The following MGAT4D variants were observed in gnomAD, a reference collection of about 807,000 sequenced individuals.
MGAT4D encodes the protein alpha-1,3-mannosyl-glycoprotein 4-beta-N-acetylglucosaminyltransferase-like protein MGAT4D.
In MGAT4D, 34 loss-of-function variants were observed where a neutral mutation model predicts 15.9. That is an observed-to-expected ratio of 2.14 (90% CI 1.62 to 2.84). The LOEUF (loss-of-function observed/expected upper bound fraction) is 2.84. Ranked by LOEUF, MGAT4D falls within the 30% of genes most tolerant of loss-of-function variation. The pLI is 0.00. For missense variants in MGAT4D, 327 were observed against 140.2 expected (o/e 2.33, Z -6.73); for synonymous variants, 112 against 48.2 (o/e 2.33, Z -5.49).
intron 3 of MGAT4D, among the ~76,000 whole-genome samples, chr4:140,476,056 C>A (rs1053211036): frequency 2.6e-5 from 4 of 152,092 alleles, no homozygotes; most frequent in Admixed American, 6.5e-5. Context: ...AAGTGATCTG[C>A]CCACCTCAGC....
intron 1 of MGAT4D, among the ~76,000 whole-genome samples, chr4:140,485,266 T>C (rs1287738294): frequency 1.3e-5 from 2 of 152,042 alleles, no homozygotes; most frequent in East Asian, 3.9e-4. Flanking sequence ...ATGGATGAAA[T>C]TGGAAATCAT....
intron 1 of MGAT4D, among the ~76,000 whole-genome samples, chr4:140,486,584 T>C (rs1733150808): frequency 6.6e-6 from 1 of 152,206 alleles, no homozygotes; most frequent in African/African-American, 2.4e-5. Flanking sequence ...CACCACTTCA[T>C]ATTATGTATT....
chr4:140,461,071 A>G (rs7672664), intron 7 of MGAT4D, among the ~76,000 whole-genome samples: 29,413 of 152,058 alleles, frequency 0.19, 2,919 homozygotes, highest in South Asian at 0.28. Context: ...TTTCTTTTTT[A>G]TTTAATATAT....
At chr4:140,483,005 GA>G (rs1189946845) in intron 1 of MGAT4D, among the ~76,000 whole-genome samples, 1 of 152,148 alleles carries the variant, frequency 6.6e-6, no homozygotes, top group Non-Finnish European at 1.5e-5. Flanking sequence ...ATAAATTACA[GA>G]ATATTCTTTT....
chr4:140,494,268 A>C (rs369052891), intron 1 of MGAT4D, among the ~76,000 whole-genome samples: 6 of 152,366 alleles, frequency 3.9e-5, no homozygotes, highest in Admixed American at 2.0e-4. Flanking sequence ...GGCCTGCTGC[A>C]TTCACTAAGA....
chr4:140,495,238 C>T (rs1578731772), intron 1 of MGAT4D, among the ~76,000 whole-genome samples: 1 of 152,196 alleles, frequency 6.6e-6, no homozygotes, highest in African/African-American at 2.4e-5. Context: ...GATGCTTCCT[C>T]GTTTCATTTG....
At chr4:140,452,976 C>A (rs1158393477) in intron 9 of MGAT4D, among the ~76,000 whole-genome samples, 6 of 152,022 alleles carry the variant, frequency 3.9e-5, no homozygotes, top group African/African-American at 1.4e-4. Flanking sequence ...GATATGGCAC[C>A]AATTGATCCA....
intron 7 of MGAT4D, among the ~76,000 whole-genome samples, chr4:140,461,148 C>G (rs1731145935): frequency 6.6e-6 from 1 of 152,166 alleles, no homozygotes; most frequent in Non-Finnish European, 1.5e-5. Flanking sequence ...AGTCCTCAGG[C>G]ACACTATGAG....
chr4:140,475,807 CTT>C (rs10711919), intron 3 of MGAT4D, among the ~76,000 whole-genome samples: 2,355 of 105,244 alleles, frequency 0.022, 32 homozygotes, highest in East Asian at 0.19. Context: ...TATTGGCTTT[CTT>C]TTTTTTTTTT....
In MGAT4D at chr4:140,456,613, C is replaced by A. The variant is rs1730820868; in HGVS notation, c.984G>T (p.Lys328Asn). The change falls in exon 9 of 11, where the codon AAG becomes AAT. Residue 328 changes from lysine (K) to asparagine (N), a missense_variant. Coordinates refer to ENST00000511113, the MANE Select transcript of MGAT4D (RefSeq NM_001277353.2). ...CAAGATCTTCTCCTGCGTCACACAC[C>A]TTTACCTGAAAAATGTCATTCAAGA... ...DWLLNDIFQV[K>N]VCDAGEDLRN... is the part of the protein sequence containing the mutation. 2 of 690,900 alleles carry A rather than the reference C, an allele frequency of 2.9e-6. No homozygotes were observed. Among genetic ancestry groups the A allele is most frequent in the Admixed American group, 2.1e-5 (1 of 48,724 alleles). The allele number at this position is 690,900 out of a possible 1,614,324, so 42.8% of individuals were successfully genotyped here.
At chr4:140,489,153 C>A (rs1282752258) in intron 1 of MGAT4D, among the ~76,000 whole-genome samples, 1 of 152,090 alleles carries the variant, frequency 6.6e-6, no homozygotes, top group Non-Finnish European at 1.5e-5. Flanking sequence ...AAAGCATTGG[C>A]AGGTCACTTT....
intron 4 of MGAT4D, among the ~76,000 whole-genome samples, chr4:140,473,098 TTTC>T (rs1166798250): frequency 6.6e-6 from 1 of 152,114 alleles, no homozygotes; most frequent in Non-Finnish European, 1.5e-5. Flanking sequence ...GTTTGCTCAT[TTTC>T]TTTTTTCTTC....
chr4:140,495,923 C>T lies in MGAT4D; in HGVS notation c.94+2206G>A, dbSNP rs536589964. Among the ~76,000 whole-genome samples the T allele has an allele frequency of 9.2e-5, 14 of 152,094 alleles. No individual in the cohort carries two copies. The South Asian group carries it at 2.3e-3, about 25-fold the overall frequency. On this transcript the variant is annotated intron_variant, in intron 1 of 10. Transcript: ENST00000511113. ...CTAATTTTTGTATTTTTAGTAGAGA[C>T]TAGGTTTCACCATGTTGGCCTGGCT...
chr4:140,454,734 C>A (rs539038431), intron 9 of MGAT4D, among the ~76,000 whole-genome samples: 256 of 152,158 alleles, frequency 1.7e-3, no homozygotes, highest in Non-Finnish European at 2.6e-3. Context: ...TGGAAATTTC[C>A]TTTTCAGGAT....
chr4:140,446,317 AGGC>A (rs1730118824), intron 10 of MGAT4D, among the ~76,000 whole-genome samples: 1 of 152,170 alleles, frequency 6.6e-6, no homozygotes, highest in Non-Finnish European at 1.5e-5. Context: ...TTGGTTCAGT[AGGC>A]TATTTATTAC....
chr4:140,453,205 C>A (rs1730581994), intron 9 of MGAT4D, among the ~76,000 whole-genome samples: 1 of 152,028 alleles, frequency 6.6e-6, no homozygotes, highest in African/African-American at 2.4e-5. Flanking sequence ...CTTTATTCTT[C>A]TTTTTCAAAA....
At chr4:140,463,964 T>G (rs557087015) in intron 6 of MGAT4D, among the ~76,000 whole-genome samples, 1 of 152,122 alleles carries the variant, frequency 6.6e-6, no homozygotes, top group Non-Finnish European at 1.5e-5. Context: ...AGGCCTGAAC[T>G]AAATCCAAGC....
At chr4:140,484,314 A>T (rs1172272917) in intron 1 of MGAT4D, among the ~76,000 whole-genome samples, 1 of 152,218 alleles carries the variant, frequency 6.6e-6, no homozygotes, top group Non-Finnish European at 1.5e-5. Context: ...AATCATCAGC[A>T]AAATGCAAAT....
At chr4:140,445,847 T>C (rs1730087784) in intron 10 of MGAT4D, among the ~76,000 whole-genome samples, 1 of 152,184 alleles carries the variant, frequency 6.6e-6, no homozygotes, top group African/African-American at 2.4e-5. Flanking sequence ...TGTAGATGTG[T>C]GGCATTATTT....
Sources: allele counts gnomAD v4.1 joint callset (sites outside exome capture counted in the v4.1 genomes callset), GRCh38; gene constraint gnomAD v4.1.1; transcripts MANE v1.5; gene names NCBI Gene and HGNC (gene_info 2026-07-23, HGNC 2026-07-21).